BABAM2: variants seen among roughly 807,000 people sequenced by gnomAD.
BABAM2 encodes BRISC and BRCA1 A complex member 2.
In BABAM2, 31 loss-of-function variants were observed where a neutral mutation model predicts 54.7. The observed-to-expected ratio is 0.57, with a 90% CI of 0.43 to 0.77. The LOEUF (loss-of-function observed/expected upper bound fraction) is 0.77. Among genes scored for constraint, BABAM2 ranks in the 30% least tolerant of loss-of-function variants. The pLI, the probability that BABAM2 is intolerant of heterozygous loss-of-function variation, is 0.00. For synonymous variants in BABAM2, 167 were observed against 162.9 expected, an observed-to-expected ratio of 1.03 and a Z score of -0.19; for missense variants, 364 against 455.8, an observed-to-expected ratio of 0.80 and a Z score of 1.83.
intron 10 of BABAM2, among the ~76,000 whole-genome samples, chr2:28,254,428 C>T (rs11127141): frequency 0.63 from 95,798 of 151,920 alleles, 32,313 homozygotes; most frequent in East Asian, 0.99. Context: ...TGAGCCGCCA[C>T]GCCCATGCCC....
At chr2:28,327,361 G>GCCCCAGAGGAACTGGCCAAGC (rs1477812973) in intron 11 of BABAM2, 1 of 1,613,902 alleles carries the variant, frequency 6.2e-7, no homozygotes, top group African/African-American at 1.3e-5. Flanking sequence ...AGCTGCTCCA[G>GCCCCAGAGGAACTGGCCAAGC]CCCCAGAGGA....
chr2:28,270,743 A>G (rs1003454738), intron 10 of BABAM2, among the ~76,000 whole-genome samples: 11 of 152,192 alleles, frequency 7.2e-5, no homozygotes, highest in African/African-American at 2.2e-4. Context: ...TATTTATGAA[A>G]CACTGCAACA....
intron 11 of BABAM2, among the ~76,000 whole-genome samples, chr2:28,326,430 G>A (rs901381205): frequency 9.9e-5 from 15 of 152,018 alleles, no homozygotes; most frequent in Non-Finnish European, 1.8e-4. Context: ...CCCAGGGCTG[G>A]GGCTCTTCTC....
chr2:28,089,253 A>G (rs1443580936), intron 6 of BABAM2, among the ~76,000 whole-genome samples: 5 of 152,138 alleles, frequency 3.3e-5, no homozygotes, highest in Non-Finnish European at 7.4e-5. Flanking sequence ...CAGACATGGT[A>G]CCTAGAGAAA....
At chr2:28,212,910 G>C (rs180908511) in intron 7 of BABAM2, among the ~76,000 whole-genome samples, 1 of 152,070 alleles carries the variant, frequency 6.6e-6, no homozygotes, top group African/African-American at 2.4e-5. Flanking sequence ...CTTACCAAAA[G>C]GTGCTAGGCA....
chr2:28,002,615 A>G (rs939667403), intron 4 of BABAM2, among the ~76,000 whole-genome samples: 1 of 152,160 alleles, frequency 6.6e-6, no homozygotes, highest in Non-Finnish European at 1.5e-5. Context: ...TTACTCCTAG[A>G]CACATCATGG....
At chr2:28,183,523 T>C (rs1468392551) in intron 7 of BABAM2, among the ~76,000 whole-genome samples, 2 of 152,032 alleles carry the variant, frequency 1.3e-5, no homozygotes, top group Admixed American at 6.5e-5. Context: ...AAGCGAGCAA[T>C]AGCTGCCCAG....
chr2:27,896,792 C>A, intron 2 of BABAM2: 1 of 237,032 alleles, frequency 4.2e-6, no homozygotes, highest in South Asian at 4.7e-5. Context: ...CCAGCTGGGT[C>A]TGGAGCAGCT....
chr2:28,282,086 A>G (rs1370291376), intron 10 of BABAM2, among the ~76,000 whole-genome samples: 3 of 152,220 alleles, frequency 2.0e-5, no homozygotes, highest in Admixed American at 6.5e-5. Context: ...GCAGTAAAAA[A>G]TTTAAAAGGA....
intron 6 of BABAM2, among the ~76,000 whole-genome samples, chr2:28,126,088 G>A (rs1669498792): frequency 6.6e-6 from 1 of 151,760 alleles, no homozygotes; most frequent in African/African-American, 2.4e-5. Context: ...ATTTCTGTAT[G>A]GTTTGACTTG....
intron 11 of BABAM2, among the ~76,000 whole-genome samples, chr2:28,337,444 C>A (rs1373974578): frequency 1.3e-5 from 2 of 152,232 alleles, no homozygotes; most frequent in African/African-American, 4.8e-5. Context: ...GGTCACCCCG[C>A]CACCCCTGAT....
intron 6 of BABAM2, among the ~76,000 whole-genome samples, chr2:28,061,147 T>C (rs535364131): frequency 4.4e-4 from 67 of 152,214 alleles, no homozygotes; most frequent in African/African-American, 1.5e-3. Flanking sequence ...GTATAGATCA[T>C]TGGAACAGAA....
At chr2:28,296,940 C>T (rs778486778) in intron 10 of BABAM2, among the ~76,000 whole-genome samples, 26 of 152,022 alleles carry the variant, frequency 1.7e-4, no homozygotes, top group Non-Finnish European at 3.5e-4. Flanking sequence ...CACCCACCTC[C>T]GCCTCCCAGA....
intron 7 of BABAM2, among the ~76,000 whole-genome samples, chr2:28,222,494 T>G (rs555491558): frequency 2.6e-5 from 4 of 152,328 alleles, no homozygotes; most frequent in African/African-American, 9.6e-5. Context: ...TATTGATACC[T>G]TCACATGCTG....
At chr2:27,892,331 A>G (rs1405544350) in intron 1 of BABAM2, 1 of 152,198 alleles carries the variant, frequency 6.6e-6, no homozygotes, top group Non-Finnish European at 1.5e-5. Context: ...AATGCCTGAT[A>G]ATGGGTAGAT....
At chr2:28,119,315 A>G (rs1057310265) in intron 6 of BABAM2, among the ~76,000 whole-genome samples, 13 of 152,324 alleles carry the variant, frequency 8.5e-5, no homozygotes, top group South Asian at 2.1e-4. Flanking sequence ...TTTTATGAGT[A>G]GAGAAGTTGG....
intron 3 of BABAM2, among the ~76,000 whole-genome samples, chr2:27,954,930 G>A (rs1669981991): frequency 6.6e-6 from 1 of 152,108 alleles, no homozygotes; most frequent in African/African-American, 2.4e-5. Flanking sequence ...ATGAAGGTGT[G>A]TGCCAGCAAA....
chr2:28,191,386 C>T (rs1676891081), intron 7 of BABAM2, among the ~76,000 whole-genome samples: 1 of 152,166 alleles, frequency 6.6e-6, no homozygotes, highest in South Asian at 2.1e-4. Context: ...CATTCTACTG[C>T]AGGTACTTGG....
At chr2:28,037,524 T>C (rs894841708) in intron 5 of BABAM2, among the ~76,000 whole-genome samples, 1 of 152,192 alleles carries the variant, frequency 6.6e-6, no homozygotes, top group African/African-American at 2.4e-5. Context: ...TAAATAATCT[T>C]GTATATATGT....
Sources: gnomAD v4.1 joint callset for allele counts (sites outside exome capture counted in the v4.1 genomes callset) on GRCh38, gnomAD v4.1.1 for gene constraint, MANE v1.5 for transcripts, NCBI Gene and HGNC (gene_info 2026-07-23, HGNC 2026-07-21) for gene names.